HS3ST3A1: variants seen among roughly 807,000 people sequenced by gnomAD.
HS3ST3A1 encodes the protein heparan sulfate glucosamine 3-O-sulfotransferase 3A1.
HS3ST3A1 carries 19 observed loss-of-function variants against 25.7 expected under a neutral mutation model. That is an observed-to-expected ratio of 0.74 (90% CI 0.52 to 1.08). The LOEUF (loss-of-function observed/expected upper bound fraction) is 1.08. Ranked by LOEUF, HS3ST3A1 falls within the 50% of genes least tolerant of loss-of-function variation. The pLI, the probability that HS3ST3A1 is intolerant of heterozygous loss-of-function variation, is 0.00. For missense variants in HS3ST3A1, 459 were observed against 594.3 expected (o/e 0.77, Z 2.37); for synonymous variants, 226 against 278.6 (o/e 0.81, Z 1.88).
At chr17:13,549,879 C>G (rs911849748) in intron 1 of HS3ST3A1, among the ~76,000 whole-genome samples, 3 of 152,158 alleles carry the variant, frequency 2.0e-5, no homozygotes, top group African/African-American at 7.2e-5. Context: ...CCCTGAGGAA[C>G]CTTGATTCAT....
In HS3ST3A1 at chr17:13,496,085, G is replaced by C; in HGVS notation, c.*112C>G. 1 of 1,281,660 alleles carries C rather than the reference G, an allele frequency of 7.8e-7. No homozygotes were observed. The highest frequency in any genetic ancestry group is 2.6e-5 in the East Asian group (1 of 38,278). The allele number at this position is 1,281,660 out of a possible 1,614,324, so 79.4% of individuals were successfully genotyped here. A position where few individuals can be genotyped will look rare whatever the true frequency, so the allele number is the denominator to read the frequency against. ...TGAGAACAATCTCTTAACATTCATT[G>C]AAAAAAATACTGAAACATATTTTCA... On this transcript the variant is annotated 3_prime_UTR_variant, in exon 2 of 2. Coordinates refer to ENST00000284110, the MANE Select transcript of HS3ST3A1 (RefSeq NM_006042.3).
At chr17:13,567,531 T>G (rs1196891202) in intron 1 of HS3ST3A1, among the ~76,000 whole-genome samples, 1 of 152,208 alleles carries the variant, frequency 6.6e-6, no homozygotes, top group Non-Finnish European at 1.5e-5. Context: ...CTGAAAACCT[T>G]CTGGAAAGAA....
At chr17:13,580,905 A>G (rs1194362354) in intron 1 of HS3ST3A1, among the ~76,000 whole-genome samples, 2 of 151,988 alleles carry the variant, frequency 1.3e-5, no homozygotes, top group Non-Finnish European at 2.9e-5. Flanking sequence ...AACAAACAAA[A>G]AAAAGAACAC....
chr17:13,508,499 A>T (rs1335002908), intron 1 of HS3ST3A1, among the ~76,000 whole-genome samples: 2 of 152,240 alleles, frequency 1.3e-5, no homozygotes, highest in East Asian at 3.8e-4. Context: ...TTTCCCAAGC[A>T]ATTCCACACA....
At chr17:13,509,220 C>A (rs772375702) in intron 1 of HS3ST3A1, among the ~76,000 whole-genome samples, 1 of 152,078 alleles carries the variant, frequency 6.6e-6, no homozygotes, top group Admixed American at 6.5e-5. Context: ...GGGAAAAAGA[C>A]CTTTATGCTC....
chr17:13,531,423 G>A (rs755312617), intron 1 of HS3ST3A1, among the ~76,000 whole-genome samples: 21 of 152,092 alleles, frequency 1.4e-4, no homozygotes, highest in Non-Finnish European at 2.1e-4. Flanking sequence ...CCCACATCCC[G>A]ATATCTGAGT....
intron 1 of HS3ST3A1, among the ~76,000 whole-genome samples, chr17:13,586,518 T>C (rs1333359608): frequency 6.6e-6 from 1 of 152,110 alleles, no homozygotes; most frequent in East Asian, 1.9e-4. Context: ...ATGAGGCTAC[T>C]GAGCTCTTGA....
intron 1 of HS3ST3A1, among the ~76,000 whole-genome samples, chr17:13,499,289 T>C (rs1905381631): frequency 6.6e-6 from 1 of 152,214 alleles, no homozygotes; most frequent in African/African-American, 2.4e-5. Context: ...GCCAGCCTAA[T>C]ATAAAAGCTT....
intron 1 of HS3ST3A1, among the ~76,000 whole-genome samples, chr17:13,549,060 A>T (rs1907171284): frequency 6.6e-6 from 1 of 152,166 alleles, no homozygotes; most frequent in Non-Finnish European, 1.5e-5. Context: ...TTCACAATAA[A>T]TCTTGCTGTT....
chr17:13,510,650 A>G (rs555780424), intron 1 of HS3ST3A1, among the ~76,000 whole-genome samples: 4 of 152,048 alleles, frequency 2.6e-5, no homozygotes, highest in Non-Finnish European at 5.9e-5. Flanking sequence ...TTGAACTGCT[A>G]GGATATTCTT....
intron 1 of HS3ST3A1, among the ~76,000 whole-genome samples, chr17:13,559,955 A>C (rs1361398563): frequency 1.3e-5 from 2 of 151,874 alleles, no homozygotes; most frequent in African/African-American, 4.8e-5. Flanking sequence ...CTCTAAATTT[A>C]TATTTTGAAA....
intron 1 of HS3ST3A1, among the ~76,000 whole-genome samples, chr17:13,561,448 G>A (rs114895153): frequency 0.012 from 1,819 of 151,150 alleles, 34 homozygotes; most frequent in African/African-American, 0.04. Context: ...GTACAGTGGC[G>A]TAATCTTGAC....
At chr17:13,522,853 GACAC>G (rs374742145) in intron 1 of HS3ST3A1, among the ~76,000 whole-genome samples, 3,057 of 148,446 alleles carry the variant, frequency 0.021, 37 homozygotes, top group Non-Finnish European at 0.024. Flanking sequence ...CACACAGAGA[GACAC>G]ACACACACAC....
At chr17:13,506,595 G>T (rs1598408190) in intron 1 of HS3ST3A1, among the ~76,000 whole-genome samples, 1 of 152,212 alleles carries the variant, frequency 6.6e-6, no homozygotes, top group African/African-American at 2.4e-5. Flanking sequence ...AAGTGCTGAG[G>T]TTAATTCAAA....
intron 1 of HS3ST3A1, among the ~76,000 whole-genome samples, chr17:13,598,073 C>A (rs1236690873): frequency 6.6e-6 from 1 of 152,154 alleles, no homozygotes. Flanking sequence ...CTGCTGGGTG[C>A]AAATATCTGG....
intron 1 of HS3ST3A1, among the ~76,000 whole-genome samples, chr17:13,500,537 A>C (rs1567607796): frequency 6.6e-6 from 1 of 152,198 alleles, no homozygotes; most frequent in African/African-American, 2.4e-5. Flanking sequence ...CAACAGGTGA[A>C]GAAGTATGGG....
chr17:13,500,482 G>A (rs925479530), intron 1 of HS3ST3A1, among the ~76,000 whole-genome samples: 1 of 152,224 alleles, frequency 6.6e-6, no homozygotes, highest in Admixed American at 6.5e-5. Context: ...ATGGGAGCAC[G>A]AAGGTGTGGG....
chr17:13,572,816 A>G (rs1280022926), intron 1 of HS3ST3A1, among the ~76,000 whole-genome samples: 1 of 152,260 alleles, frequency 6.6e-6, no homozygotes, highest in African/African-American at 2.4e-5. Flanking sequence ...AGCAAAACAC[A>G]AACTCAAGGA....
intron 1 of HS3ST3A1, among the ~76,000 whole-genome samples, chr17:13,556,552 A>C (rs1252536391): frequency 1.4e-5 from 2 of 147,870 alleles, no homozygotes; most frequent in Non-Finnish European, 3.0e-5. Context: ...TAGATAAAAA[A>C]TAAAAAGAAA....
Sources: gnomAD v4.1 joint callset for allele counts (sites outside exome capture counted in the v4.1 genomes callset) on GRCh38, gnomAD v4.1.1 for gene constraint, MANE v1.5 for transcripts, NCBI Gene and HGNC (gene_info 2026-07-23, HGNC 2026-07-21) for gene names.